TENT4B: variants seen among roughly 807,000 people sequenced by gnomAD.
TENT4B encodes the protein PAP associated domain containing 5.
In TENT4B, 10 loss-of-function variants were observed where a neutral mutation model predicts 75.0. The ratio of observed to expected loss-of-function variants is 0.13; its 90% confidence interval spans 0.08 to 0.23. The LOEUF (loss-of-function observed/expected upper bound fraction) is 0.23. Among genes scored for constraint, TENT4B ranks in the 10% least tolerant of loss-of-function variants. The pLI, the probability that TENT4B is intolerant of heterozygous loss-of-function variation, is 1.00. For synonymous variants in TENT4B, 350 were observed against 357.7 expected (o/e 0.98, Z 0.24); for missense variants, 579 against 893.8 (o/e 0.65, Z 4.49).
intron 1 of TENT4B, among the ~76,000 whole-genome samples, chr16:50,158,163 T>C (rs961926513): frequency 2.0e-5 from 3 of 152,162 alleles, no homozygotes; most frequent in African/African-American, 7.2e-5. Flanking sequence ...CTTGGCCCAC[T>C]GCAACCTCCG....
At chr16:50,211,897 G>A (rs1417513558) in intron 2 of TENT4B, among the ~76,000 whole-genome samples, 1 of 152,058 alleles carries the variant, frequency 6.6e-6, no homozygotes, top group African/African-American at 2.4e-5. Context: ...ATTTCCTTTG[G>A]CTAATGCACG....
chr16:50,186,672 A>G (rs925212239), intron 1 of TENT4B, among the ~76,000 whole-genome samples: 6 of 152,286 alleles, frequency 3.9e-5, no homozygotes, highest in East Asian at 3.9e-4. Flanking sequence ...CTTTTCCACC[A>G]TAGCTAAATC....
chr16:50,229,319 C>G lies in TENT4B; in HGVS notation c.2133C>G (p.Leu711=), dbSNP rs1394299114. The change falls in exon 12 of 12, where the codon CTC becomes CTG. Residue 711 remains leucine (L), a synonymous_variant. Coordinates refer to ENST00000561678, the MANE Select transcript of TENT4B (RefSeq NM_001365324.3). ...KHKRDAPLSD[L]CR ...AGAGGGACGCGCCCCTCTCAGACCT[C>G]TGTAGATAGTCAGCGCTGCGCGGTG... 1 of 1,612,286 alleles carries G rather than the reference C, an allele frequency of 6.2e-7. No individual in the cohort carries two copies. Among genetic ancestry groups the G allele is most frequent in the Admixed American group, 1.7e-5 (1 of 59,674 alleles).
Position 50,233,502 on chromosome 16 carries a change from C to CT in TENT4B, c.*4184dup, listed in dbSNP as rs143269068. The CT allele has an allele frequency of 5.4e-3, 4,713 of 865,904 alleles. 106 individuals are homozygous for CT. The African/African-American group carries it at 0.071, about 13-fold the overall frequency. The allele number at this position is 865,904 out of a possible 1,614,324, so 53.6% of individuals were successfully genotyped here. Reference sequence around the variant, plus strand: ...TGACTTCACACCCTTAGCGACTTTTCTTTTTTTTTTGGTCAAAGATAATGA... The same window carrying CT: ...TGACTTCACACCCTTAGCGACTTTTCTTTTTTTTTTTGGTCAAAGATAATGA... On this transcript the variant is annotated 3_prime_UTR_variant, in exon 12 of 12. Transcript: ENST00000561678.
At chr16:50,225,365 A>G in intron 10 of TENT4B, 80 bp downstream of exon 10, 1 of 1,267,998 alleles carries the variant, frequency 7.9e-7, no homozygotes, top group Non-Finnish European at 1.1e-6. Flanking sequence ...CTCGAAGGCT[A>G]AGGCTACTTC....
chr16:50,208,417 C>G (rs2031101929), intron 1 of TENT4B, among the ~76,000 whole-genome samples: 1 of 152,090 alleles, frequency 6.6e-6, no homozygotes, highest in African/African-American at 2.4e-5. Flanking sequence ...TCAGAAAGCC[C>G]TTTTATTGGA....
rs138214096 is a variant in TENT4B, at chr16:50,176,337, C to T, written c.638+22078C>T. On this transcript the variant is annotated intron_variant, in intron 1 of 11. Coordinates refer to ENST00000561678, the MANE Select transcript of TENT4B (RefSeq NM_001365324.3). Reference sequence around the variant, plus strand: ...TGAGCTCATATGATCTGCCCGCCTCCGTCTCCCAAAGTGCTGCGATTACAG... The same window carrying T: ...TGAGCTCATATGATCTGCCCGCCTCTGTCTCCCAAAGTGCTGCGATTACAG... 1.4e-4 allele frequency among the ~76,000 whole-genome samples: 21 copies of T among 151,324 alleles called. No individual in the cohort carries two copies. The South Asian group carries it at 2.3e-3, about 17-fold the overall frequency.
chr16:50,191,711 C>G (rs12922655), intron 1 of TENT4B, among the ~76,000 whole-genome samples: 101,211 of 151,680 alleles, frequency 0.67, 35,592 homozygotes, highest in Non-Finnish European at 0.77. Context: ...CCTGAGGTCG[C>G]GAGTTCGAGA....
intron 10 of TENT4B, among the ~76,000 whole-genome samples, chr16:50,225,872 CG>C (rs2032027748): frequency 6.6e-6 from 1 of 150,944 alleles, no homozygotes; most frequent in South Asian, 2.1e-4. Flanking sequence ...TTAGTAGAGA[CG>C]GGGTTTCACC....
Position 50,230,928 on chromosome 16 carries a change from C to T in TENT4B, c.*1600C>T. 2 of 966,248 alleles carry T rather than the reference C, an allele frequency of 2.1e-6. No homozygotes were observed. The highest frequency in any genetic ancestry group is 2.5e-6 in the Non-Finnish European group (2 of 811,742). The allele number at this position is 966,248 out of a possible 1,614,324, so 59.9% of individuals were successfully genotyped here. ...GACGAGATTCTTTTATATATATATA[C>T]ATATAAAGTACTATTGGCTTTTAGG... On this transcript the variant is annotated 3_prime_UTR_variant, in exon 12 of 12. Transcript: ENST00000561678.
chr16:50,187,404 G>C (rs868140230), intron 1 of TENT4B, among the ~76,000 whole-genome samples: 1 of 151,816 alleles, frequency 6.6e-6, no homozygotes, highest in South Asian at 2.1e-4. Context: ...CCAACATGCC[G>C]AAACCCTGTC....
Position 50,216,068 on chromosome 16 carries a change from T to C in TENT4B, c.810-7T>C. The C allele has an allele frequency of 6.2e-7, 1 of 1,613,938 alleles. No individual in the cohort carries two copies. The highest frequency in any genetic ancestry group is 1.3e-5 in the African/African-American group (1 of 75,048). ...CCGACCCTCTTGTATATGTATTCTG[T>C]GTTCAGTGACATCGACCTAGTGGTG... On this transcript the variant is annotated splice_region_variant and splice_polypyrimidine_tract_variant and intron_variant, in intron 3 of 11. Coordinates refer to ENST00000561678, the MANE Select transcript of TENT4B (RefSeq NM_001365324.3).
chr16:50,211,254 A>G (rs1020121486), intron 1 of TENT4B, 69 bp from the exon 2 acceptor site: 52 of 1,429,934 alleles, frequency 3.6e-5, no homozygotes, highest in Non-Finnish European at 4.5e-5. Context: ...ATTAGATAAG[A>G]TTATTTAAGA....
intron 7 of TENT4B, among the ~76,000 whole-genome samples, chr16:50,223,658 T>C (rs2031924287): frequency 2.6e-5 from 4 of 152,184 alleles, no homozygotes; most frequent in Admixed American, 2.6e-4. Flanking sequence ...GATGGGTTCA[T>C]GTTTGGTGGC....
intron 1 of TENT4B, among the ~76,000 whole-genome samples, chr16:50,185,470 A>C (rs189707934): frequency 6.6e-6 from 1 of 152,248 alleles, no homozygotes; most frequent in East Asian, 1.9e-4. Context: ...GGAAAGTTCA[A>C]GCTGGTCTTT....
intron 3 of TENT4B, among the ~76,000 whole-genome samples, chr16:50,215,152 T>G (rs1025861141): frequency 2.6e-5 from 4 of 152,224 alleles, no homozygotes; most frequent in African/African-American, 9.6e-5. Context: ...TGATAATGTT[T>G]CTCCAAAGGG....
chr16:50,170,668 AT>A (rs201070394), intron 1 of TENT4B, among the ~76,000 whole-genome samples: 87 of 145,260 alleles, frequency 6.0e-4, no homozygotes, highest in Admixed American at 6.9e-4. Flanking sequence ...CAAGATAGGG[AT>A]TTTTTTTTTT....
chr16:50,182,789 C>G (rs2038439998), intron 1 of TENT4B, among the ~76,000 whole-genome samples: 1 of 147,132 alleles, frequency 6.8e-6, no homozygotes, highest in Non-Finnish European at 1.5e-5. Flanking sequence ...AATAAGATTG[C>G]TGAGATTCAT....
chr16:50,196,833 G>C (rs2030291186), intron 1 of TENT4B, among the ~76,000 whole-genome samples: 1 of 151,968 alleles, frequency 6.6e-6, no homozygotes, highest in Non-Finnish European at 1.5e-5. Context: ...GCTACAGTGG[G>C]GCTGAGGCAG....
Sources: allele counts gnomAD v4.1 joint callset (sites outside exome capture counted in the v4.1 genomes callset), GRCh38; gene constraint gnomAD v4.1.1; transcripts MANE v1.5; gene names NCBI Gene and HGNC (gene_info 2026-07-23, HGNC 2026-07-21).